PRP4K: variants seen among roughly 807,000 people sequenced by gnomAD.
PRP4K encodes serine/threonine-protein kinase PRP4 homolog.
the PRP4K span, chr6:4,021,540 G>T: frequency 6.5e-7 from 1 of 1,544,978 alleles, no homozygotes; most frequent in Admixed American, 2.0e-5. Flanking sequence ...GGGGTGGCGG[G>T]AAAGTTCGGG....
At chr6:4,037,628 G>A in the PRP4K span, 2 of 1,512,128 alleles carry the variant, frequency 1.3e-6, no homozygotes, top group Non-Finnish European at 1.8e-6. Flanking sequence ...AACCACCAGT[G>A]AGCTCACTTG....
chr6:4,031,472 G>A, the PRP4K span: 3 of 1,033,744 alleles, frequency 2.9e-6, no homozygotes, highest in Non-Finnish European at 4.1e-6. Context: ...ACATTGAGAT[G>A]TATTTTCTCA....
At chr6:4,052,713 C>A in the PRP4K span, 1 of 1,526,966 alleles carries the variant, frequency 6.5e-7, no homozygotes, top group Non-Finnish European at 8.8e-7. Flanking sequence ...TAATTTTCTC[C>A]TAAAAGCATG....
chr6:4,044,948 C>T, the PRP4K span, among the ~76,000 whole-genome samples: 59 of 151,498 alleles, frequency 3.9e-4, 1 homozygote, highest in East Asian at 0.01. Flanking sequence ...CTGCAAGCTC[C>T]GCGTCCCAGG....
chr6:4,064,312 T>A, the PRP4K span: 1 of 152,536 alleles, frequency 6.6e-6, no homozygotes, highest in African/African-American at 2.4e-5. Context: ...TGTGGTAGAG[T>A]AAGTAAAATG....
chr6:4,044,860 A>T, the PRP4K span, among the ~76,000 whole-genome samples: 8,954 of 118,882 alleles, frequency 0.075, 382 homozygotes, highest in Non-Finnish European at 0.11. Flanking sequence ...TATTATTATT[A>T]TTATTTTTTT....
chr6:4,021,739 C>T, the PRP4K span, among the ~76,000 whole-genome samples: 2 of 152,210 alleles, frequency 1.3e-5, no homozygotes, highest in Non-Finnish European at 2.9e-5. Context: ...AGGTCCGGTG[C>T]GCGTGGCGGC....
chr6:4,054,723 C>T, the PRP4K span, among the ~76,000 whole-genome samples: 1 of 152,188 alleles, frequency 6.6e-6, no homozygotes, highest in Non-Finnish European at 1.5e-5. Context: ...CCAGGATGGT[C>T]TTAATCTCCT....
the PRP4K span, among the ~76,000 whole-genome samples, chr6:4,034,649 C>G: frequency 4.6e-5 from 7 of 151,890 alleles, no homozygotes; most frequent in African/African-American, 1.7e-4. Context: ...TTGTTTTAAT[C>G]GAAATTTCTT....
the PRP4K span, chr6:4,060,357 A>T: frequency 6.8e-7 from 1 of 1,474,600 alleles, no homozygotes; most frequent in South Asian, 1.2e-5. This position sits in a 1 kb window ranked among gnomAD's most constrained non-coding sequence, Gnocchi z 4.7. Flanking sequence ...ATCTGATTTA[A>T]GTTGTATATG....
At chr6:4,056,046 C>T in the PRP4K span, among the ~76,000 whole-genome samples, 4 of 151,722 alleles carry the variant, frequency 2.6e-5, no homozygotes, top group East Asian at 7.7e-4. Context: ...CAGTACCCCA[C>T]CCTTTTAAAA....
the PRP4K span, among the ~76,000 whole-genome samples, chr6:4,058,550 G>A: frequency 6.6e-6 from 1 of 152,246 alleles, no homozygotes; most frequent in Non-Finnish European, 1.5e-5. Flanking sequence ...TTTAGGTACA[G>A]CATTGGTATT....
the PRP4K span, chr6:4,049,598 T>A: frequency 1.0e-5 from 9 of 874,972 alleles, no homozygotes; most frequent in Non-Finnish European, 1.4e-5. Flanking sequence ...GAGGCATGGC[T>A]TTGATTCTTC....
the PRP4K span, among the ~76,000 whole-genome samples, chr6:4,034,921 C>G: frequency 3.9e-5 from 6 of 151,956 alleles, no homozygotes; most frequent in Admixed American, 2.0e-4. Context: ...CCATGTTGGC[C>G]AGGCTGGTCT....
the PRP4K span, chr6:4,057,250 C>T: frequency 6.5e-7 from 1 of 1,538,056 alleles, no homozygotes. Flanking sequence ...AGACTGCTGA[C>T]ACTTGCTCAC....
chr6:4,040,429 G>A, the PRP4K span, among the ~76,000 whole-genome samples: 5 of 152,042 alleles, frequency 3.3e-5, no homozygotes, highest in East Asian at 1.9e-4. Context: ...GGTGCTGTAC[G>A]AATACAAAGA....
chr6:4,055,618 G>T, the PRP4K span, among the ~76,000 whole-genome samples: 1 of 152,180 alleles, frequency 6.6e-6, no homozygotes, highest in Non-Finnish European at 1.5e-5. Flanking sequence ...TCTGACTCAT[G>T]AGTGGCAGCA....
the PRP4K span, among the ~76,000 whole-genome samples, chr6:4,027,024 G>A: frequency 6.6e-6 from 1 of 152,196 alleles, no homozygotes; most frequent in Non-Finnish European, 1.5e-5. Flanking sequence ...CAGGGTGACC[G>A]TGGGAGAAGA....
the PRP4K span, among the ~76,000 whole-genome samples, chr6:4,022,154 A>ATTTTTT: frequency 1.2e-3 from 108 of 91,978 alleles, 2 homozygotes; most frequent in African/African-American, 1.3e-3. Context: ...GAGGCCTGGC[A>ATTTTTT]TTTTTTTTTT....
Sources: allele counts gnomAD v4.1 joint callset (sites outside exome capture counted in the v4.1 genomes callset), GRCh38; gene constraint gnomAD v4.1.1; non-coding constraint Gnocchi (gnomAD v3.1); transcripts MANE v1.5; gene names NCBI Gene and HGNC (gene_info 2026-07-23, HGNC 2026-07-21).